LPCAT2: variants seen among roughly 807,000 people sequenced by gnomAD.
LPCAT2 encodes 1-AGP acyltransferase 11.
Under a neutral mutation model 64.7 loss-of-function variants are expected in LPCAT2, and 58 were observed. That is an observed-to-expected ratio of 0.90 (90% confidence interval 0.73 to 1.12). The LOEUF (loss-of-function observed/expected upper bound fraction) is 1.12. Among genes scored for constraint, LPCAT2 ranks in the 50% most tolerant of loss-of-function variants. The probability of loss-of-function intolerance (pLI) is 0.00; values close to 1 mark genes in which losing one functional copy is unlikely to be tolerated. For synonymous variants in LPCAT2, 252 were observed against 245.3 expected, an observed-to-expected ratio of 1.03 and a Z score of -0.26; for missense variants, 579 against 669.8, an observed-to-expected ratio of 0.86 and a Z score of 1.50.
intron 11 of LPCAT2, among the ~76,000 whole-genome samples, chr16:55,560,492 T>A (rs1256456356): frequency 1.3e-5 from 2 of 152,142 alleles, no homozygotes; most frequent in African/African-American, 4.8e-5. Flanking sequence ...AGTGAGCATG[T>A]CTTTAAAAGT....
At chr16:55,573,542 T>C (rs1348429870) in intron 11 of LPCAT2, among the ~76,000 whole-genome samples, 3 of 152,190 alleles carry the variant, frequency 2.0e-5, no homozygotes, top group African/African-American at 7.2e-5. Flanking sequence ...GTGTCAAATA[T>C]TATTATTAGT....
intron 6 of LPCAT2, 31 bp from the exon 7 acceptor site, chr16:55,534,412 A>G: frequency 7.0e-7 from 1 of 1,430,328 alleles, no homozygotes; most frequent in Non-Finnish European, 9.7e-7. Flanking sequence ...TTTCCTCCAG[A>G]CCAACAGCTA....
rs767618781 is a variant in LPCAT2, at chr16:55,532,880, C to G, written c.760C>G (p.Leu254Val). Residue 254 changes from leucine to valine, a missense_variant and splice_region_variant, in exon 6 of 14, where the codon CTG becomes GTG. Leu to Val is a conservative substitution (Grantham distance 32). Coordinates refer to ENST00000262134, the MANE Select transcript of LPCAT2 (RefSeq NM_017839.5). ...QPVLLRYPNK[L>V]DTVTWTWQGY... ...AGTCCTCCTCAGATACCCAAACAAG[C>G]TGGTAAGCACAGTATTTTACCACAG... 1 of 1,610,990 alleles carries G rather than the reference C, an allele frequency of 6.2e-7. No homozygotes were observed. The highest frequency in any genetic ancestry group is 2.2e-5 in the East Asian group (1 of 44,766).
At chr16:55,547,725 T>C (rs1354848605) in intron 9 of LPCAT2, among the ~76,000 whole-genome samples, 1 of 152,190 alleles carries the variant, frequency 6.6e-6, no homozygotes, top group Non-Finnish European at 1.5e-5. Context: ...AAAACACTTA[T>C]TAATCAAAGA....
chr16:55,546,044 G>A (rs1423437230), intron 9 of LPCAT2, among the ~76,000 whole-genome samples: 1 of 152,084 alleles, frequency 6.6e-6, no homozygotes, highest in African/African-American at 2.4e-5. Flanking sequence ...AGAAAGACTG[G>A]AGAGGATACA....
In LPCAT2 at chr16:55,509,372, G is replaced by A. The variant is rs563568586; in HGVS notation, c.171+20G>A. ...GTCCAGGTGAGGGGCGTGGGTCTGA[G>A]GGGAGAGGTGGTCTGAGGGGGGCCT... On this transcript the variant is annotated intron_variant, in intron 1 of 13. Transcript: ENST00000262134. The A allele has an allele frequency of 7.2e-7, 1 of 1,391,988 alleles. No individual in the cohort carries two copies. The highest frequency in any genetic ancestry group is 1.7e-5 in the South Asian group (1 of 57,844). 86.2% of individuals were successfully genotyped at this position (1,391,988 alleles called of 1,614,324 possible).
At chr16:55,560,530 A>T (rs1180243675) in intron 11 of LPCAT2, among the ~76,000 whole-genome samples, 1 of 152,150 alleles carries the variant, frequency 6.6e-6, no homozygotes, top group African/African-American at 2.4e-5. Flanking sequence ...ATAAAGAAAG[A>T]TTAAATTAAA....
chr16:55,553,693 G>T (rs1368506793), intron 11 of LPCAT2, among the ~76,000 whole-genome samples: 2 of 152,138 alleles, frequency 1.3e-5, no homozygotes, highest in Non-Finnish European at 2.9e-5. Flanking sequence ...GTTCCTAATG[G>T]CTTCTAGAAT....
chr16:55,575,901 T>G (rs1016202831), intron 12 of LPCAT2, among the ~76,000 whole-genome samples: 8 of 152,224 alleles, frequency 5.3e-5, no homozygotes, highest in African/African-American at 1.7e-4. Flanking sequence ...GTTTAAAACC[T>G]TCAGCTTTTA....
intron 8 of LPCAT2, chr16:55,540,962 C>A (rs1380316135): frequency 6.5e-6 from 1 of 152,710 alleles, no homozygotes; most frequent in African/African-American, 2.4e-5. Context: ...TCTCTGTCAA[C>A]ATCTCATTGT....
In LPCAT2 at chr16:55,583,171, T is replaced by C. The variant is rs1963906628; in HGVS notation, c.*73T>C. ...GTAAAGGCACTTATTGATAATACTT[T>C]TAATGTGTTGGTAATGATGTTTAAA... On this transcript the variant is annotated 3_prime_UTR_variant, in exon 14 of 14. Transcript: ENST00000262134. The C allele has an allele frequency of 1.8e-6, 2 of 1,122,692 alleles. No homozygotes were observed. Among genetic ancestry groups the C allele is most frequent in the Admixed American group, 4.8e-5 (2 of 41,792 alleles). The allele number at this position is 1,122,692 out of a possible 1,614,324, so 69.5% of individuals were successfully genotyped here. A position where few individuals can be genotyped will look rare whatever the true frequency, so the allele number is the denominator to read the frequency against.
chr16:55,573,677 T>C (rs1963795092), intron 11 of LPCAT2, among the ~76,000 whole-genome samples: 1 of 152,126 alleles, frequency 6.6e-6, no homozygotes, highest in Admixed American at 6.6e-5. Context: ...AGTACTTACT[T>C]ACAGTTTCTC....
At chr16:55,546,235 G>A (rs1023033765) in intron 9 of LPCAT2, among the ~76,000 whole-genome samples, 9 of 152,052 alleles carry the variant, frequency 5.9e-5, no homozygotes, top group Admixed American at 1.3e-4. Context: ...ATAGAAGAGG[G>A]AAAAAGTCAC....
At position 55,564,776 on chromosome 16, in the gene LPCAT2, G is replaced by A. The variant is rs1056991935; in HGVS notation, c.1216-9855G>A. ...ACAGAGGAAAAGCTTCATGACACTG[G>A]ATTTCTCAATGATTTCTTGAATATT... On this transcript the variant is annotated intron_variant, in intron 11 of 13. Transcript: ENST00000262134. 3.9e-5 allele frequency among the ~76,000 whole-genome samples: 6 copies of A among 151,942 alleles called. No individual in the cohort carries two copies. In the South Asian group the frequency reaches 8.3e-4, roughly 21 times the overall value.
At chr16:55,523,242 A>G (rs1275451029) in intron 1 of LPCAT2, among the ~76,000 whole-genome samples, 17 of 151,836 alleles carry the variant, frequency 1.1e-4, no homozygotes, top group African/African-American at 4.1e-4. Context: ...GATCAAAGCC[A>G]CATGAGATAT....
chr16:55,525,408 T>G, intron 1 of LPCAT2, 100 bp from the exon 2 acceptor site: 2 of 987,544 alleles, frequency 2.0e-6, no homozygotes, highest in Non-Finnish European at 3.0e-6. Context: ...CTTGACTGAA[T>G]GCATGAACAC....
intron 9 of LPCAT2, 24 bp downstream of exon 9, chr16:55,545,841 A>G: frequency 6.5e-7 from 1 of 1,527,818 alleles, no homozygotes; most frequent in Non-Finnish European, 9.0e-7. Context: ...TTTGATTATA[A>G]CTCATAAATA....
At chr16:55,545,156 G>A (rs1963439164) in intron 8 of LPCAT2, among the ~76,000 whole-genome samples, 1 of 152,016 alleles carries the variant, frequency 6.6e-6, no homozygotes, top group Non-Finnish European at 1.5e-5. Flanking sequence ...TGGAGAAAAA[G>A]TAGAATTAAA....
intron 1 of LPCAT2, among the ~76,000 whole-genome samples, chr16:55,516,453 G>T (rs1308314244): frequency 1.3e-5 from 2 of 152,146 alleles, no homozygotes; most frequent in Non-Finnish European, 1.5e-5. Flanking sequence ...GAAGTAAAAA[G>T]ATGGAAAATG....
Sources: allele counts gnomAD v4.1 joint callset (sites outside exome capture counted in the v4.1 genomes callset), GRCh38; gene constraint gnomAD v4.1.1; transcripts MANE v1.5; gene names NCBI Gene and HGNC (gene_info 2026-07-23, HGNC 2026-07-21).